Variants in CFAP206 observed in about 807,000 individuals in gnomAD.
CFAP206 encodes cilia and flagella associated protein 206, also known as cilia- and flagella-associated protein 206.
CFAP206 carries 53 observed loss-of-function variants against 65.4 expected under a neutral mutation model. That is an observed-to-expected ratio of 0.81 (90% CI 0.65 to 1.02). CFAP206 has a LOEUF of 1.02. CFAP206 is among the 50% of genes least tolerant of loss of function. CFAP206 has a pLI of 0.00. For missense variants in CFAP206, 663 were observed against 753.2 expected (o/e 0.88, Z 1.40); for synonymous variants, 250 against 254.4 (o/e 0.98, Z 0.17).
Position 87,410,635 on chromosome 6 carries a change from C to T in CFAP206, c.159C>T (p.Thr53=). Residue 53 remains threonine (T), a synonymous_variant, in exon 3 of 13, where the codon ACC becomes ACT. Transcript: ENST00000369562. The stretch of plus-strand genomic sequence containing the variant: ...GTAATGGCTTTAACATGGATAGAAC[C>T]CTCATGAAAAGTGATGTGCAGAATC... The part of the protein sequence containing the change: ...DPSNGFNMDR[T]LMKSDVQNLV... The T allele has an allele frequency of 6.2e-7, 1 of 1,613,854 alleles. No individual in the cohort carries two copies. Among genetic ancestry groups the T allele is most frequent in the African/African-American group, 1.3e-5 (1 of 74,986 alleles).
chr6:87,428,518 G>A (rs1305276008), intron 8 of CFAP206, 108 bp from the exon 9 acceptor site: 1 of 1,017,780 alleles, frequency 9.8e-7, no homozygotes, highest in Non-Finnish European at 1.5e-6. Context: ...TTTTGCTTAG[G>A]GAGAATTAAC....
chr6:87,417,283 G>A (rs1249468256), intron 6 of CFAP206, among the ~76,000 whole-genome samples: 2 of 152,128 alleles, frequency 1.3e-5, no homozygotes, highest in East Asian at 3.8e-4. Context: ...TATACTTAAT[G>A]CATTCTTTAT....
At chr6:87,454,890 C>A (rs1484082769) in intron 11 of CFAP206, among the ~76,000 whole-genome samples, 3 of 149,428 alleles carry the variant, frequency 2.0e-5, no homozygotes, top group Admixed American at 6.7e-5. Flanking sequence ...CCCTAAAAAT[C>A]AATAACAAGA....
At chr6:87,413,762 T>G in intron 3 of CFAP206, 48 bp from the exon 4 acceptor site, 1 of 1,101,730 alleles carries the variant, frequency 9.1e-7, no homozygotes, top group South Asian at 1.5e-5. Context: ...AATACTTGAC[T>G]GTCTCAAAAA....
chr6:87,409,642 T>G (rs1029696093), intron 1 of CFAP206, among the ~76,000 whole-genome samples, 193 bp from the exon 2 acceptor site: 1 of 152,292 alleles, frequency 6.6e-6, no homozygotes, highest in Admixed American at 6.5e-5. Context: ...AATCGTTGTC[T>G]GTCTTCAATA....
chr6:87,438,259 G>A (rs150934476), intron 11 of CFAP206, among the ~76,000 whole-genome samples: 2 of 151,984 alleles, frequency 1.3e-5, no homozygotes, highest in East Asian at 2.0e-4. Flanking sequence ...TCAGGAGTTC[G>A]AGACCATCCT....
chr6:87,446,578 A>G (rs1468802740), intron 11 of CFAP206, among the ~76,000 whole-genome samples: 3 of 152,142 alleles, frequency 2.0e-5, no homozygotes, highest in Admixed American at 6.5e-5. Context: ...TACCAGTACC[A>G]TGCTGTTTTG....
chr6:87,461,857 A>AC (rs533702294), intron 12 of CFAP206, among the ~76,000 whole-genome samples: 100 of 152,324 alleles, frequency 6.6e-4, no homozygotes, highest in African/African-American at 2.4e-3. Context: ...CAAGGGAGTC[A>AC]GACACTGTCA....
At chr6:87,410,486 G>C (rs936372914) in intron 2 of CFAP206, 99 bp from the exon 3 acceptor site, 2 of 898,596 alleles carry the variant, frequency 2.2e-6, no homozygotes, top group African/African-American at 3.4e-5. Context: ...TCAAGAGGTA[G>C]TTGTTTAAAA....
intron 11 of CFAP206, among the ~76,000 whole-genome samples, chr6:87,454,007 A>G (rs781334767): frequency 6.6e-6 from 1 of 152,346 alleles, no homozygotes; most frequent in East Asian, 1.9e-4. Flanking sequence ...CACTTCACCT[A>G]TAAAGACAAA....
chr6:87,411,449 G>C (rs185419747), intron 3 of CFAP206, among the ~76,000 whole-genome samples: 1 of 152,256 alleles, frequency 6.6e-6, no homozygotes, highest in Non-Finnish European at 1.5e-5. Flanking sequence ...CAGATGCATA[G>C]TTTGTACATA....
At chr6:87,459,026 T>TC (rs1768698437) in intron 11 of CFAP206, among the ~76,000 whole-genome samples, 1 of 152,240 alleles carries the variant, frequency 6.6e-6, no homozygotes, top group East Asian at 1.9e-4. Context: ...ATTGTAGAGT[T>TC]CCTGGAGCTG....
At chr6:87,422,224 G>A (rs1016250730) in intron 7 of CFAP206, among the ~76,000 whole-genome samples, 2 of 141,432 alleles carry the variant, frequency 1.4e-5, no homozygotes, top group Non-Finnish European at 3.1e-5. Flanking sequence ...CGAGGCAGGC[G>A]GATCACCTGA....
At chr6:87,419,129 T>G (rs932798885) in intron 7 of CFAP206, among the ~76,000 whole-genome samples, 1 of 151,682 alleles carries the variant, frequency 6.6e-6, no homozygotes, top group Non-Finnish European at 1.5e-5. Flanking sequence ...TTGTTTTTTT[T>G]TTTGTTTTTT....
chr6:87,442,186 C>T (rs192487338), intron 11 of CFAP206: 1 of 153,868 alleles, frequency 6.5e-6, no homozygotes, highest in Non-Finnish European at 1.5e-5. Flanking sequence ...CACAGCAAAT[C>T]AACTAAATGA....
At chr6:87,418,159 A>G (rs1436070420) in intron 6 of CFAP206, 49 bp from the exon 7 acceptor site, 2 of 1,544,262 alleles carry the variant, frequency 1.3e-6, no homozygotes, top group South Asian at 1.1e-5. Context: ...CTTCTCCTTA[A>G]TTGTTTTTAG....
chr6:87,417,553 C>CTTTTTT (rs11394813), intron 6 of CFAP206, among the ~76,000 whole-genome samples: 1 of 132,836 alleles, frequency 7.5e-6, no homozygotes, highest in Non-Finnish European at 1.6e-5. Context: ...ACAAACGTTC[C>CTTTTTT]TTTTTTTTTT....
chr6:87,410,724 AT>A, intron 3 of CFAP206, 56 bp downstream of exon 3: 38 of 1,320,480 alleles, frequency 2.9e-5, no homozygotes, highest in Non-Finnish European at 3.8e-5. Context: ...TGTAAATACA[AT>A]ATTTGTATTA....
intron 7 of CFAP206, among the ~76,000 whole-genome samples, chr6:87,419,440 A>G (rs964235178): frequency 1.3e-5 from 2 of 152,210 alleles, no homozygotes; most frequent in South Asian, 4.1e-4. Context: ...AGATATCTAC[A>G]TAAAGGGACT....
Sources: gnomAD v4.1 joint callset for allele counts (sites outside exome capture counted in the v4.1 genomes callset) on GRCh38, gnomAD v4.1.1 for gene constraint, MANE v1.5 for transcripts, NCBI Gene and HGNC (gene_info 2026-07-23, HGNC 2026-07-21) for gene names.